The following CSMD3 variants were observed in gnomAD, a reference collection of about 807,000 sequenced individuals.
CSMD3 encodes the protein CUB and sushi domain-containing protein 3.
Under a neutral mutation model 435.2 loss-of-function variants are expected in CSMD3, and 177 were observed. That is an observed-to-expected ratio of 0.41 (90% confidence interval 0.36 to 0.46). The LOEUF is 0.46. Among genes scored for constraint, CSMD3 ranks in the 20% least tolerant of loss-of-function variants. The pLI is 0.34. For synonymous variants in CSMD3, 1,656 were observed against 1,520.5 expected (o/e 1.09, Z -2.07); for missense variants, 4,265 against 4,504.6 (o/e 0.95, Z 1.52).
chr8:112,383,455 G>T (rs1011994458), intron 37 of CSMD3, 112 bp downstream of exon 37: 1 of 690,168 alleles, frequency 1.4e-6, no homozygotes, highest in African/African-American at 1.8e-5. Context: ...TTTGTGTATA[G>T]TTTGTAAAAA....
chr8:113,015,490 GC>G (rs1357040607), intron 6 of CSMD3, among the ~76,000 whole-genome samples: 1 of 151,652 alleles, frequency 6.6e-6, no homozygotes, highest in Non-Finnish European at 1.5e-5. Context: ...GAATTTAGAG[GC>G]TTGAATCAAG....
intron 5 of CSMD3, among the ~76,000 whole-genome samples, chr8:113,076,404 AG>A (rs2089338764): frequency 6.6e-6 from 1 of 152,030 alleles, no homozygotes; most frequent in Admixed American, 6.6e-5. Context: ...AATAAATTAA[AG>A]AAAGAGGGTA....
chr8:112,873,263 T>C (rs528848300), intron 10 of CSMD3, among the ~76,000 whole-genome samples: 1 of 152,006 alleles, frequency 6.6e-6, no homozygotes, highest in Non-Finnish European at 1.5e-5. Context: ...GCACAAGAAA[T>C]TAACTGAAAT....
intron 25 of CSMD3, among the ~76,000 whole-genome samples, chr8:112,556,027 T>C (rs1204236497): frequency 6.6e-6 from 1 of 151,994 alleles, no homozygotes; most frequent in African/African-American, 2.4e-5. Context: ...GCTGGAGAGT[T>C]AGTGTTTTGC....
chr8:113,036,274 C>G (rs2087347787), intron 5 of CSMD3, among the ~76,000 whole-genome samples: 1 of 151,838 alleles, frequency 6.6e-6, no homozygotes, highest in South Asian at 2.1e-4. Context: ...TCAAGGTGAT[C>G]CCTGGAAAGT....
At chr8:112,578,044 G>C (rs940329748) in intron 23 of CSMD3, among the ~76,000 whole-genome samples, 1 of 151,872 alleles carries the variant, frequency 6.6e-6, no homozygotes, top group East Asian at 1.9e-4. Context: ...TTGTTTTATA[G>C]GTTGATTTGG....
intron 3 of CSMD3, among the ~76,000 whole-genome samples, chr8:113,213,392 A>G: frequency 6.6e-6 from 1 of 152,124 alleles, no homozygotes; most frequent in East Asian, 1.9e-4. Flanking sequence ...TATCACACCT[A>G]CTTGATGTTT....
intron 10 of CSMD3, among the ~76,000 whole-genome samples, chr8:112,879,815 C>T (rs946580459): frequency 6.6e-6 from 1 of 152,020 alleles, no homozygotes; most frequent in African/African-American, 2.4e-5. Context: ...CAAACTAACA[C>T]AGGAACAGAA....
intron 1 of CSMD3, among the ~76,000 whole-genome samples, chr8:113,393,247 C>CT (rs2094469208): frequency 6.6e-6 from 1 of 151,874 alleles, no homozygotes; most frequent in Non-Finnish European, 1.5e-5. Flanking sequence ...AAATTTTTGG[C>CT]AACCAACATT....
At chr8:113,043,574 GT>G (rs1242267630) in intron 5 of CSMD3, among the ~76,000 whole-genome samples, 1 of 150,676 alleles carries the variant, frequency 6.6e-6, no homozygotes, top group Non-Finnish European at 1.5e-5. Context: ...CATCCACACT[GT>G]TTTAAAGCCT....
At chr8:112,650,015 T>A (rs894166387) in intron 19 of CSMD3, 146 bp downstream of exon 19, 25 of 648,056 alleles carry the variant, frequency 3.9e-5, no homozygotes, top group Non-Finnish European at 6.5e-5. Context: ...ATTTCATGAA[T>A]GGTTTGATAA....
chr8:112,263,738 T>C lies in CSMD3; in HGVS notation c.9763A>G (p.Ile3255Val). The change falls in exon 61 of 71, where the codon ATT (isoleucine) becomes GTT (valine). Residue 3255 changes from isoleucine (I) to valine (V), a missense_variant. Transcript: ENST00000297405. ...EGTNFDWGFS[I>V]SYICSPGYEL... ...TAGCCTGGAGAACAGATGTAGCTAATACTAAAGCCCCAGTCGAAATTTGTT... is the reference window on the plus strand; with the variant it reads ...TAGCCTGGAGAACAGATGTAGCTAACACTAAAGCCCCAGTCGAAATTTGTT... 6.2e-7 allele frequency: 1 copy of C among 1,613,880 alleles called. No individual in the cohort carries two copies. The highest frequency in any genetic ancestry group is 8.5e-7 in the Non-Finnish European group (1 of 1,179,810).
At chr8:112,328,856 T>C (rs1210133122) in intron 45 of CSMD3, among the ~76,000 whole-genome samples, 1 of 152,134 alleles carries the variant, frequency 6.6e-6, no homozygotes, top group Non-Finnish European at 1.5e-5. Context: ...CCTGAGGCCT[T>C]CCCAGTCATA....
chr8:112,276,805 C>A (rs1818094131), intron 59 of CSMD3, among the ~76,000 whole-genome samples: 1 of 152,156 alleles, frequency 6.6e-6, no homozygotes, highest in Admixed American at 6.5e-5. Context: ...GACTTCTGTG[C>A]ACCTGCAGCC....
chr8:113,404,010 T>A (rs2094521696), intron 1 of CSMD3, among the ~76,000 whole-genome samples: 1 of 151,378 alleles, frequency 6.6e-6, no homozygotes, highest in Non-Finnish European at 1.5e-5. Flanking sequence ...TTTGAAACAT[T>A]AATAACTTCC....
chr8:112,364,913 T>G (rs1011764684), intron 38 of CSMD3, among the ~76,000 whole-genome samples: 5 of 152,084 alleles, frequency 3.3e-5, no homozygotes, highest in African/African-American at 9.7e-5. Context: ...AAAAGAAAAC[T>G]TGAATACTTC....
rs6994673 is a variant in CSMD3 at position 112,998,862 on chromosome 8, T to G, written c.1030+20205A>C. Among the ~76,000 whole-genome samples, 117 of 152,072 alleles carry G rather than the reference T, an allele frequency of 7.7e-4. 1 individual carries two copies. Among genetic ancestry groups the G allele is most frequent in the African/African-American group, 2.7e-3 (112 of 41,526 alleles). On this transcript the variant is annotated intron_variant, in intron 6 of 70. Transcript: ENST00000297405. ...GCACCTCCCCACTCTCTTTTTCTCC[T>G]GCTCTGGCCATGTAAGACACTCCTG...
chr8:113,024,135 T>C (rs1032192406), intron 5 of CSMD3, among the ~76,000 whole-genome samples: 2 of 152,122 alleles, frequency 1.3e-5, no homozygotes, highest in Non-Finnish European at 2.9e-5. Flanking sequence ...GAGACCATCG[T>C]TTTTAGATTC....
At chr8:112,391,633 A>G (rs1294514421) in intron 35 of CSMD3, among the ~76,000 whole-genome samples, 1 of 151,996 alleles carries the variant, frequency 6.6e-6, no homozygotes, top group Non-Finnish European at 1.5e-5. Flanking sequence ...CAGAGGTTGC[A>G]ATGAGCTGAG....
Sources: gnomAD v4.1 joint callset for allele counts (sites outside exome capture counted in the v4.1 genomes callset) on GRCh38, gnomAD v4.1.1 for gene constraint, MANE v1.5 for transcripts, NCBI Gene and HGNC (gene_info 2026-07-23, HGNC 2026-07-21) for gene names.